The following PRKCH variants were observed in gnomAD, a reference collection of about 807,000 sequenced individuals.
The protein encoded by PRKCH is protein kinase C eta.
Under a neutral mutation model 82.5 loss-of-function variants are expected in PRKCH, and 28 were observed. The ratio of observed to expected loss-of-function variants is 0.34; its 90% CI spans 0.25 to 0.47. PRKCH has a LOEUF of 0.47. Among genes scored for constraint, PRKCH ranks in the 20% least tolerant of loss-of-function variants. PRKCH has a pLI of 1.00. For missense variants in PRKCH, 705 were observed against 881.8 expected (o/e 0.80, Z 2.54); for synonymous variants, 322 against 327.4 (o/e 0.98, Z 0.18).
intron 2 of PRKCH, among the ~76,000 whole-genome samples, chr14:61,413,418 C>T (rs74997539): frequency 9.5e-6 from 1 of 105,744 alleles, no homozygotes; most frequent in Non-Finnish European, 2.0e-5. Flanking sequence ...CCCCCCGCCC[C>T]GCCCATGTAC....
intron 1 of PRKCH, among the ~76,000 whole-genome samples, chr14:61,232,726 C>T (rs2044754221): frequency 6.6e-6 from 1 of 152,138 alleles, no homozygotes; most frequent in Admixed American, 6.5e-5. Flanking sequence ...ATTACATAGG[C>T]CTAATTGATT....
chr14:61,493,217 AG>A lies in PRKCH; in HGVS notation c.1433+7562del, dbSNP rs377624723. Among the ~76,000 whole-genome samples, 515 of 152,318 alleles carry A rather than the reference AG, an allele frequency of 3.4e-3. 4 individuals are homozygous for A. Among genetic ancestry groups the A allele is most frequent in the African/African-American group, 0.012 (487 of 41,570 alleles). ...AAACATAGTGCTCTCTCACATGAAA[AG>A]CCTGGAGGTAGGTAGTCCAGCCCCG... On this transcript the variant is annotated intron_variant, in intron 10 of 13. Coordinates refer to ENST00000332981, the MANE Select transcript of PRKCH (RefSeq NM_006255.5).
chr14:61,356,234 T>A (rs1356546092), intron 1 of PRKCH, among the ~76,000 whole-genome samples: 1 of 151,830 alleles, frequency 6.6e-6, no homozygotes, highest in Non-Finnish European at 1.5e-5. Flanking sequence ...TGTTTGGGGG[T>A]TGGGAGGAAT....
At chr14:61,192,551 G>C (rs2044413205) in intron 1 of PRKCH, among the ~76,000 whole-genome samples, 1 of 152,220 alleles carries the variant, frequency 6.6e-6, no homozygotes, top group Non-Finnish European at 1.5e-5. Context: ...TTATCAGGTA[G>C]GTGTGTGTAG....
At chr14:61,395,987 G>A (rs973687354) in intron 2 of PRKCH, among the ~76,000 whole-genome samples, 4 of 151,920 alleles carry the variant, frequency 2.6e-5, no homozygotes, top group African/African-American at 9.7e-5. Flanking sequence ...GGCTGAGGTG[G>A]GAGGATTGCC....
At chr14:61,309,127 T>C (rs1212566973) in intron 1 of PRKCH, among the ~76,000 whole-genome samples, 1 of 151,290 alleles carries the variant, frequency 6.6e-6, no homozygotes, top group Non-Finnish European at 1.5e-5. Flanking sequence ...TACAGAAAAA[T>C]ACAAAATTAG....
At chr14:61,421,876 C>G (rs1322327610) in intron 2 of PRKCH, among the ~76,000 whole-genome samples, 1 of 152,044 alleles carries the variant, frequency 6.6e-6, no homozygotes, top group Non-Finnish European at 1.5e-5. Flanking sequence ...GGAGGCTTCT[C>G]CAGTAAGGCA....
At chr14:61,498,174 C>T (rs927015869) in intron 10 of PRKCH, among the ~76,000 whole-genome samples, 4 of 152,134 alleles carry the variant, frequency 2.6e-5, no homozygotes, top group East Asian at 3.9e-4. Flanking sequence ...CCACCACACT[C>T]GGCTAATTTT....
At chr14:61,488,139 G>A (rs1338290583) in intron 10 of PRKCH, among the ~76,000 whole-genome samples, 1 of 140,784 alleles carries the variant, frequency 7.1e-6, no homozygotes, top group African/African-American at 2.7e-5. Flanking sequence ...GGGCGACAGC[G>A]AGACTCCGTC....
At chr14:61,226,107 C>T (rs925643846) in intron 1 of PRKCH, among the ~76,000 whole-genome samples, 1 of 152,154 alleles carries the variant, frequency 6.6e-6, no homozygotes, top group Non-Finnish European at 1.5e-5. Flanking sequence ...GACTCACCTC[C>T]TAAGTTATAG....
intron 2 of PRKCH, among the ~76,000 whole-genome samples, chr14:61,423,671 GGGGAGTGATGGTTGACACCTAAA>G (rs1882972276): frequency 6.6e-6 from 1 of 152,130 alleles, no homozygotes; most frequent in Non-Finnish European, 1.5e-5. Context: ...TGTTTGTGTA[GGGGAGTGATGGTTGACACCTAAA>G]GGGAGTGCTG....
Position 61,261,313 on chromosome 14 carries a change from G to T in PRKCH, c.-19+73645G>T, listed in dbSNP as rs189735248. ...CCAGCAGTAGGGAATAGTTGAAGCA[G>T]CATGGGTGGCTGCGCTGTATGAGAA... On this transcript the variant is annotated intron_variant, in intron 1 of 3. Coordinates refer to the PRKCH transcript ENST00000555185. 5.1e-4 allele frequency among the ~76,000 whole-genome samples: 78 copies of T among 152,354 alleles called. No homozygotes were observed. The South Asian group carries it at 6.8e-3, about 13-fold the overall frequency.
At chr14:61,281,222 G>A in intron 1 of PRKCH, 2 of 992,624 alleles carry the variant, frequency 2.0e-6, no homozygotes, top group Non-Finnish European at 2.6e-6. Flanking sequence ...TCTCCGCGCC[G>A]CGCAAGCCCG....
chr14:61,374,081 A>C (rs2140176837), intron 1 of PRKCH, among the ~76,000 whole-genome samples: 1 of 152,244 alleles, frequency 6.6e-6, no homozygotes, highest in South Asian at 2.1e-4. Context: ...AAAGGGAGAA[A>C]TTGGCCAAAA....
chr14:61,227,601 G>C (rs113162042), intron 1 of PRKCH, among the ~76,000 whole-genome samples: 2 of 151,310 alleles, frequency 1.3e-5, no homozygotes, highest in South Asian at 4.2e-4. Flanking sequence ...TCAAAAAATA[G>C]ATAAATAAAT....
intron 2 of PRKCH, among the ~76,000 whole-genome samples, chr14:61,396,450 A>G (rs1311500359): frequency 6.6e-6 from 1 of 152,232 alleles, no homozygotes; most frequent in Admixed American, 6.5e-5. Flanking sequence ...ATCACATCAT[A>G]GATGCTGGAG....
chr14:61,436,072 T>G (rs1430248151), intron 2 of PRKCH, among the ~76,000 whole-genome samples: 1 of 152,174 alleles, frequency 6.6e-6, no homozygotes, highest in Non-Finnish European at 1.5e-5. Flanking sequence ...CATCCTGATG[T>G]GGCAAGAGGC....
chr14:61,487,447 T>C (rs1886272791), intron 10 of PRKCH, among the ~76,000 whole-genome samples: 1 of 152,154 alleles, frequency 6.6e-6, no homozygotes, highest in Admixed American at 6.5e-5. Flanking sequence ...CTTTCCAGTG[T>C]ATGCTTTGTG....
intron 1 of PRKCH, among the ~76,000 whole-genome samples, chr14:61,253,044 T>A (rs1311729062): frequency 1.3e-5 from 2 of 152,304 alleles, no homozygotes; most frequent in Admixed American, 6.5e-5. Flanking sequence ...ACAGTGGTGC[T>A]TTTGGAGGAG....
Sources: gnomAD v4.1 joint callset for allele counts (sites outside exome capture counted in the v4.1 genomes callset) on GRCh38, gnomAD v4.1.1 for gene constraint, MANE v1.5 for transcripts, NCBI Gene and HGNC (gene_info 2026-07-23, HGNC 2026-07-21) for gene names.